The following UBN2 variants were observed in gnomAD, a reference collection of about 807,000 sequenced individuals.
The protein encoded by UBN2 is ubinuclein-2.
Under a neutral mutation model 120.2 loss-of-function variants are expected in UBN2, and 35 were observed. That is an observed-to-expected ratio of 0.29 (90% CI 0.22 to 0.39). The LOEUF (loss-of-function observed/expected upper bound fraction) is 0.39, where lower values mean the gene tolerates loss of function less well. Among genes scored for constraint, UBN2 ranks in the 10% least tolerant of loss-of-function variants. The pLI, the probability that UBN2 is intolerant of heterozygous loss-of-function variation, is 1.00. For synonymous variants in UBN2, 661 were observed against 648.7 expected (o/e 1.02, Z -0.29); for missense variants, 1,693 against 1,663.2 (o/e 1.02, Z -0.31).
the UBN2 span, among the ~76,000 whole-genome samples, chr7:139,326,524 G>T: frequency 4.6e-5 from 7 of 152,182 alleles, no homozygotes; most frequent in Middle Eastern, 3.4e-3. Context: ...CCCACCTCTC[G>T]AACAGAAGCT....
chr7:139,261,764 T>A, intron 6 of UBN2, 23 bp downstream of exon 6: 3 of 1,588,226 alleles, frequency 1.9e-6, no homozygotes, highest in Non-Finnish European at 2.6e-6. Flanking sequence ...ATTCTCTTGC[T>A]TTTTATTTGC....
intron 13 of UBN2, among the ~76,000 whole-genome samples, chr7:139,281,597 T>C (rs538869925): frequency 1.3e-5 from 2 of 152,322 alleles, no homozygotes; most frequent in African/African-American, 4.8e-5. Context: ...TTTGACTCAG[T>C]TATATATCCT....
intron 8 of UBN2, 70 bp downstream of exon 8, chr7:139,269,593 G>A (rs1250767557): frequency 6.5e-7 from 1 of 1,528,348 alleles, no homozygotes; most frequent in Non-Finnish European, 8.9e-7. Flanking sequence ...TTCTGTTTGG[G>A]GCCTTTGCAC....
chr7:139,319,550 G>A, the UBN2 span, among the ~76,000 whole-genome samples: 3 of 152,154 alleles, frequency 2.0e-5, no homozygotes, highest in African/African-American at 7.2e-5. Flanking sequence ...GAGCCCAGGA[G>A]TTCAAGTCCA....
In UBN2 at chr7:139,300,376, C is replaced by G. The variant is rs555728915; in HGVS notation, c.*2540C>G. The G allele has an allele frequency of 6.6e-6, 1 of 152,192 alleles. No homozygotes were observed. Among genetic ancestry groups the G allele is most frequent in the Non-Finnish European group, 1.5e-5 (1 of 68,028 alleles). 9.4% of individuals were successfully genotyped at this position (152,192 alleles called of 1,614,324 possible). On this transcript the variant is annotated 3_prime_UTR_variant, in exon 18 of 18. Coordinates refer to ENST00000473989, the MANE Select transcript of UBN2 (RefSeq NM_173569.4). The stretch of plus-strand genomic sequence containing the variant: ...TAGATAAAGTATGATCAGAGAGTTT[C>G]TACATGTAAATAGTAATCTATTTCT...
chr7:139,270,333 A>G (rs186441328), intron 8 of UBN2, among the ~76,000 whole-genome samples: 1 of 143,084 alleles, frequency 7.0e-6, no homozygotes, highest in Non-Finnish European at 1.5e-5. Flanking sequence ...CAGTGGCGCG[A>G]TCTCAGCTCA....
Position 139,272,526 on chromosome 7 carries a change from G to GTATGTATGTAT in UBN2, c.1715+87_1715+97dup, listed in dbSNP as rs1377721228. 7.0e-6 allele frequency: 6 copies of GTATGTATGTAT among 852,852 alleles called. No individual in the cohort carries two copies. The African/African-American group carries it at 8.7e-5, about 12-fold the overall frequency. The allele number at this position is 852,852 out of a possible 1,614,324, so 52.8% of individuals were successfully genotyped here. ...TGTATGTATGTATGTATGTATGTATGTATGTATGTATGTATTTTGAGACGG... is the reference window on the plus strand; with the variant it reads ...TGTATGTATGTATGTATGTATGTATGTATGTATGTATTATGTATGTATGTATTTTGAGACGG... On this transcript the variant is annotated intron_variant, in intron 9 of 17. Transcript: ENST00000473989.
rs1197508024 is a variant in UBN2 at position 139,298,011 on chromosome 7, G to A, written c.*175G>A. On this transcript the variant is annotated 3_prime_UTR_variant, in exon 18 of 18. Coordinates refer to ENST00000473989, the MANE Select transcript of UBN2 (RefSeq NM_173569.4). ...AAACATTACTTGAGCAAAGCCAGGT[G>A]CAGGAGGAAGAAATGCTTTTGTGCA... 4.7e-6 allele frequency: 3 copies of A among 641,882 alleles called. No homozygotes were observed. The highest frequency in any genetic ancestry group is 7.9e-6 in the Non-Finnish European group (3 of 379,114). 39.8% of individuals were successfully genotyped at this position (641,882 alleles called of 1,614,324 possible).
chr7:139,289,413 G>GTTTTTTTTTTTTTTTTT (rs1797880317), intron 15 of UBN2, among the ~76,000 whole-genome samples: 7 of 130,216 alleles, frequency 5.4e-5, no homozygotes, highest in Admixed American at 3.5e-4. Flanking sequence ...TTTACATTTT[G>GTTTTTTTTTTTTTTTTT]CTTTTTTTTT....
chr7:139,255,224 T>A (rs936937438), intron 3 of UBN2, among the ~76,000 whole-genome samples: 4 of 152,212 alleles, frequency 2.6e-5, no homozygotes, highest in Non-Finnish European at 5.9e-5. Flanking sequence ...TAAATAGCAT[T>A]TTTAATATCT....
rs945898448 is a variant in UBN2, at chr7:139,291,683, C to T, written c.3670-1549C>T. ...CTGAGCAACACAGACCCCATCTCTA[C>T]AAAAACATATTGAAAAGTTAGCTGG... On this transcript the variant is annotated intron_variant, in intron 15 of 17. Transcript: ENST00000473989. 3.3e-5 allele frequency among the ~76,000 whole-genome samples: 5 copies of T among 151,778 alleles called. No individual in the cohort carries two copies. In the East Asian group the frequency reaches 5.8e-4, roughly 18 times the overall value.
At chr7:139,243,938 A>G (rs1796390381) in intron 2 of UBN2, among the ~76,000 whole-genome samples, 1 of 152,242 alleles carries the variant, frequency 6.6e-6, no homozygotes, top group Non-Finnish European at 1.5e-5. Flanking sequence ...GAGCCAAATG[A>G]GGAGGAGTTC....
chr7:139,275,039 A>T (rs919046081), intron 11 of UBN2, among the ~76,000 whole-genome samples: 5 of 152,074 alleles, frequency 3.3e-5, no homozygotes, highest in African/African-American at 1.2e-4. Flanking sequence ...GCACTTTGGG[A>T]GGCCGAGGCT....
chr7:139,301,094 C>G lies in UBN2; in HGVS notation c.*3258C>G, dbSNP rs988902074. 6.6e-6 allele frequency: 1 copy of G among 152,118 alleles called. No homozygotes were observed. The highest frequency in any genetic ancestry group is 1.5e-5 in the Non-Finnish European group (1 of 68,018). The allele number at this position is 152,118 out of a possible 1,614,324, so 9.4% of individuals were successfully genotyped here. A position where few individuals can be genotyped will look rare whatever the true frequency, so the allele number is the denominator to read the frequency against. ...AGTGCATTCTTTTGTGCCCACCCCCCCTCTGATGGATGTTGTTAGCCCAAA... is the reference window on the plus strand; with the variant it reads ...AGTGCATTCTTTTGTGCCCACCCCCGCTCTGATGGATGTTGTTAGCCCAAA... On this transcript the variant is annotated 3_prime_UTR_variant, in exon 18 of 18. Transcript: ENST00000473989.
At chr7:139,286,362 C>T (rs1797787571) in intron 15 of UBN2, among the ~76,000 whole-genome samples, 1 of 152,170 alleles carries the variant, frequency 6.6e-6, no homozygotes, top group South Asian at 2.1e-4. Flanking sequence ...CTGCGCCGGG[C>T]CTATATTTTA....
At chr7:139,258,415 G>C in intron 3 of UBN2, 73 bp from the exon 4 acceptor site, 1 of 1,237,086 alleles carries the variant, frequency 8.1e-7, no homozygotes, top group Non-Finnish European at 1.1e-6. Flanking sequence ...TGCCATGGTG[G>C]ATGAATTTCT....
chr7:139,328,934 T>G, the UBN2 span, among the ~76,000 whole-genome samples: 1 of 151,998 alleles, frequency 6.6e-6, no homozygotes, highest in Admixed American at 6.6e-5. Context: ...GCAGAGGTTT[T>G]TAGCAGCAAT....
chr7:139,289,220 G>A (rs1484986826), intron 15 of UBN2, among the ~76,000 whole-genome samples: 5 of 152,018 alleles, frequency 3.3e-5, no homozygotes, highest in Non-Finnish European at 5.9e-5. Flanking sequence ...CCATCTTTTA[G>A]GATAGAGAGA....
intron 13 of UBN2, among the ~76,000 whole-genome samples, chr7:139,281,293 T>C (rs1192370296): frequency 2.0e-5 from 3 of 152,192 alleles, no homozygotes; most frequent in Non-Finnish European, 1.5e-5. Context: ...GTGGTTTTTT[T>C]CTACTGTAAC....
Sources: gnomAD v4.1 joint callset for allele counts (sites outside exome capture counted in the v4.1 genomes callset) on GRCh38, gnomAD v4.1.1 for gene constraint, MANE v1.5 for transcripts, NCBI Gene and HGNC (gene_info 2026-07-23, HGNC 2026-07-21) for gene names.